GALNT9: variants seen among roughly 807,000 people sequenced by gnomAD.
GALNT9 encodes GalNAc transferase 9.
In GALNT9, 47 loss-of-function variants were observed where a neutral mutation model predicts 63.1. That is an observed-to-expected ratio of 0.75 (90% CI 0.59 to 0.95). GALNT9 has a LOEUF of 0.95. GALNT9 is among the 40% of genes least tolerant of loss of function. The pLI, the probability that GALNT9 is intolerant of heterozygous loss-of-function variation, is 0.00. For synonymous variants in GALNT9, 396 were observed against 365.7 expected, an observed-to-expected ratio of 1.08 and a Z score of -0.94; for missense variants, 829 against 874.8, an observed-to-expected ratio of 0.95 and a Z score of 0.66.
At chr12:132,230,245 G>A (rs1014400989) in intron 6 of GALNT9, among the ~76,000 whole-genome samples, 4 of 152,196 alleles carry the variant, frequency 2.6e-5, no homozygotes, top group Non-Finnish European at 5.9e-5. Context: ...CTTGCTGGAC[G>A]TCCTGCCTGT....
intron 5 of GALNT9, among the ~76,000 whole-genome samples, chr12:132,248,248 G>A (rs890747119): frequency 1.4e-4 from 21 of 152,364 alleles, no homozygotes; most frequent in African/African-American, 4.6e-4. Context: ...CCCAGACAGC[G>A]TCCAAATGCT....
In GALNT9 at chr12:132,238,157, C is replaced by T. The variant is rs1878072103; in HGVS notation, c.1077+9753G>A. ...CATGACCTTACAGCAACGAGCCTGG[C>T]TGATGCTTCCAAGGCTAAGGACGCG... On this transcript the variant is annotated intron_variant, in intron 6 of 10. Transcript: ENST00000328957. This position sits in a 1 kb window ranked among gnomAD's most constrained non-coding sequence, Gnocchi z 6.5. Among the ~76,000 whole-genome samples the T allele has an allele frequency of 6.6e-6, 1 of 152,226 alleles. No individual in the cohort carries two copies. The highest frequency in any genetic ancestry group is 6.5e-5 in the Admixed American group (1 of 15,280).
chr12:132,300,618 CATG>C lies in GALNT9; in HGVS notation c.239-14191_239-14189del, dbSNP rs1457102689. On this transcript the variant is annotated intron_variant, in intron 1 of 10. Coordinates refer to ENST00000328957, the MANE Select transcript of GALNT9 (RefSeq NM_001122636.2). ...AGCCACTGCTGAGATAACCCACTCC[CATG>C]ATAACTAACCCACTCCCACCACACC... is the stretch of plus-strand genomic sequence containing the variant. Among the ~76,000 whole-genome samples the C allele has an allele frequency of 4.5e-4, 64 of 141,158 alleles. 7 individuals are homozygous for C. The highest frequency in any genetic ancestry group is 1.6e-3 in the African/African-American group (59 of 35,940). 92.6% of individuals were successfully genotyped at this position (141,158 alleles called of 152,430 possible). A position where few individuals can be genotyped will look rare whatever the true frequency, so the allele number is the denominator to read the frequency against.
At chr12:132,290,216 C>T (rs144484960) in intron 1 of GALNT9, among the ~76,000 whole-genome samples, 7 of 152,254 alleles carry the variant, frequency 4.6e-5, no homozygotes, top group African/African-American at 1.4e-4. Context: ...CAGCCTGGAC[C>T]TTGCAGAGCC....
chr12:132,291,576 C>T (rs1555242764), intron 1 of GALNT9, among the ~76,000 whole-genome samples: 1 of 151,088 alleles, frequency 6.6e-6, no homozygotes, highest in African/African-American at 2.4e-5. Flanking sequence ...CCACAGCGCC[C>T]ACGTCCACAC....
chr12:132,271,231 G>A (rs1297640562), intron 2 of GALNT9, among the ~76,000 whole-genome samples: 2 of 151,802 alleles, frequency 1.3e-5, no homozygotes, highest in East Asian at 2.0e-4. Flanking sequence ...TTGGGGACAC[G>A]TTTGCCAGCC....
intron 1 of GALNT9, among the ~76,000 whole-genome samples, chr12:132,326,858 C>A (rs1163917367): frequency 1.3e-5 from 2 of 152,196 alleles, no homozygotes; most frequent in African/African-American, 4.8e-5. Flanking sequence ...AACATCAGAG[C>A]GGGTAATGCT....
At chr12:132,323,918 G>A (rs1270912502) in intron 1 of GALNT9, among the ~76,000 whole-genome samples, 1 of 152,206 alleles carries the variant, frequency 6.6e-6, no homozygotes, top group Non-Finnish European at 1.5e-5. Context: ...CCAGGGCGCT[G>A]CAGCTGTCTT....
In GALNT9 at chr12:132,210,226, C is replaced by A. The variant is rs547028805; in HGVS notation, c.1078-6536G>T. Among the ~76,000 whole-genome samples the A allele has an allele frequency of 2.0e-5, 3 of 152,368 alleles. No individual in the cohort carries two copies. In the East Asian group the frequency reaches 5.8e-4, roughly 29 times the overall value. On this transcript the variant is annotated intron_variant, in intron 6 of 10. Transcript: ENST00000328957. Reference sequence around the variant, plus strand: ...GAGGAGAGACAGGAGAGGGGCCCTGCTGCGCGTGGGCGTTGGGTCAAAAAC... The same window carrying A: ...GAGGAGAGACAGGAGAGGGGCCCTGATGCGCGTGGGCGTTGGGTCAAAAAC...
At chr12:132,225,428 A>G (rs1221150228) in intron 6 of GALNT9, among the ~76,000 whole-genome samples, 1 of 137,900 alleles carries the variant, frequency 7.3e-6, no homozygotes, top group Non-Finnish European at 1.6e-5. Context: ...CACTATATAC[A>G]CCCCCCACAC....
intron 2 of GALNT9, among the ~76,000 whole-genome samples, chr12:132,263,523 C>T (rs1593091933): frequency 6.6e-6 from 1 of 152,240 alleles, no homozygotes; most frequent in East Asian, 1.9e-4. Flanking sequence ...GGGGGCAGGG[C>T]TGCTCAGAAA....
chr12:132,245,363 A>G lies in GALNT9; in HGVS notation c.1077+2547T>C, dbSNP rs1350041520. On this transcript the variant is annotated intron_variant, in intron 6 of 10. Transcript: ENST00000328957. This position sits in a 1 kb window ranked among gnomAD's most constrained non-coding sequence, Gnocchi z 6.3. ...AGGCTGAAGCAGGAGAATCAGTTGA[A>G]CCCGGGAGGTGGAGGTTGCAGTGAG... Among the ~76,000 whole-genome samples, 8 of 152,126 alleles carry G rather than the reference A, an allele frequency of 5.3e-5. No homozygotes were observed. The highest frequency in any genetic ancestry group is 1.9e-4 in the African/African-American group (8 of 41,486).
At chr12:132,227,840 TCGTGCTCAGCGGGGCTTCCCCA>T (rs1877754611) in intron 6 of GALNT9, among the ~76,000 whole-genome samples, 2 of 152,028 alleles carry the variant, frequency 1.3e-5, no homozygotes, top group African/African-American at 4.8e-5. Context: ...TGAAGACCCC[TCGTGCTCAGCGGGGCTTCCCCA>T]CAGGGATGTG....
chr12:132,210,306 A>G lies in GALNT9; in HGVS notation c.1078-6616T>C, dbSNP rs188996547. Among the ~76,000 whole-genome samples the G allele has an allele frequency of 3.3e-3, 505 of 152,360 alleles. 10 individuals carry two copies. Among genetic ancestry groups the G allele is most frequent in the Admixed American group, 0.029 (443 of 15,310 alleles). On this transcript the variant is annotated intron_variant, in intron 6 of 10. Coordinates refer to ENST00000328957, the MANE Select transcript of GALNT9 (RefSeq NM_001122636.2). ...CTTTGGCGGCGCTGTGGGCCTGGCAAAGGGCCTGCGGGCGAGGCCGTCCCG... is the reference window on the plus strand; with the variant it reads ...CTTTGGCGGCGCTGTGGGCCTGGCAGAGGGCCTGCGGGCGAGGCCGTCCCG...
chr12:132,205,288 C>T (rs1876594995), intron 6 of GALNT9: 1 of 152,162 alleles, frequency 6.6e-6, no homozygotes, highest in Admixed American at 6.5e-5. Flanking sequence ...TCCTCCCTCC[C>T]CCGGACTCTC....
chr12:132,226,543 A>C (rs1179813093), intron 6 of GALNT9, among the ~76,000 whole-genome samples: 9 of 119,724 alleles, frequency 7.5e-5, no homozygotes, highest in African/African-American at 2.6e-4. Context: ...ACAACACACA[A>C]CCCACACCCC....
chr12:132,205,983 C>G (rs966861954), intron 6 of GALNT9: 4 of 152,346 alleles, frequency 2.6e-5, no homozygotes, highest in South Asian at 2.1e-4. Flanking sequence ...AGGGGCGGGA[C>G]AGAGCCTCGT....
intron 1 of GALNT9, among the ~76,000 whole-genome samples, chr12:132,320,025 A>G (rs1028250300): frequency 2.0e-5 from 3 of 152,202 alleles, no homozygotes; most frequent in African/African-American, 7.2e-5. Context: ...GGGTCCCGTT[A>G]GCGTTCACTC....
At chr12:132,218,773 A>G (rs767593550) in intron 6 of GALNT9, among the ~76,000 whole-genome samples, 2 of 152,202 alleles carry the variant, frequency 1.3e-5, no homozygotes, top group Non-Finnish European at 2.9e-5. Flanking sequence ...TTCAGATACA[A>G]TGGAGGCGAA....
Sources: allele counts gnomAD v4.1 joint callset (sites outside exome capture counted in the v4.1 genomes callset), GRCh38; gene constraint gnomAD v4.1.1; non-coding constraint Gnocchi (gnomAD v3.1); transcripts MANE v1.5; gene names NCBI Gene and HGNC (gene_info 2026-07-23, HGNC 2026-07-21).